CCDC110: variants seen among roughly 807,000 people sequenced by gnomAD.
CCDC110 encodes the protein coiled-coil domain-containing protein 110.
In CCDC110, 70 loss-of-function variants were observed where a neutral mutation model predicts 77.1. The observed-to-expected ratio is 0.91, with a 90% CI of 0.75 to 1.11. The LOEUF (loss-of-function observed/expected upper bound fraction) is 1.11, where lower values mean the gene tolerates loss of function less well. CCDC110 is among the 50% of genes least tolerant of loss of function. CCDC110 has a pLI of 0.00. For synonymous variants in CCDC110, 295 were observed against 312.5 expected (o/e 0.94, Z 0.59); for missense variants, 868 against 942.9 (o/e 0.92, Z 1.04).
chr4:185,466,555 G>A (rs1368363937), intron 2 of CCDC110, among the ~76,000 whole-genome samples: 1 of 144,050 alleles, frequency 6.9e-6, no homozygotes, highest in Non-Finnish European at 1.5e-5. Flanking sequence ...TGGAAGAGAT[G>A]TGAAAGTCAA....
chr4:185,471,638 G>T, intron 1 of CCDC110, 36 bp downstream of exon 1: 2 of 1,551,278 alleles, frequency 1.3e-6, no homozygotes, highest in Admixed American at 1.9e-5. Context: ...CCGTTCCCGC[G>T]GCTCCCCTAG....
chr4:185,469,033 C>T (rs1164536146), intron 2 of CCDC110, among the ~76,000 whole-genome samples: 1 of 152,198 alleles, frequency 6.6e-6, no homozygotes, highest in Admixed American at 6.5e-5. Flanking sequence ...TGGACACCCT[C>T]AAATTCAAAA....
chr4:185,451,525 A>G (rs569797793), intron 6 of CCDC110, among the ~76,000 whole-genome samples: 8 of 152,346 alleles, frequency 5.3e-5, no homozygotes, highest in African/African-American at 1.7e-4. Context: ...ACACTGTGCA[A>G]TTAATATTGT....
intron 6 of CCDC110, chr4:185,457,303 C>A: frequency 2.2e-6 from 1 of 456,242 alleles, no homozygotes; most frequent in Non-Finnish European, 4.4e-6. Flanking sequence ...CCTCTGGAGC[C>A]AGGGCAGGCA....
Position 185,458,951 on chromosome 4 carries a change from G to A in CCDC110, c.1636C>T (p.Leu546=). 1.2e-6 allele frequency: 2 copies of A among 1,607,374 alleles called. No individual in the cohort carries two copies. The highest frequency in any genetic ancestry group is 1.7e-6 in the Non-Finnish European group (2 of 1,178,182). ...TGAGTTTTGTGTTCCTTACTTTTTA[G>A]TTGATCTAATGCTTCCATCATTTGT... ...KQQMMEALDQ[L]KSKEHKTQSD... is the part of the protein sequence containing the mutation. Residue 546 remains leucine, a synonymous_variant, in exon 6 of 7, where the codon CTA becomes TTA. Coordinates refer to ENST00000307588, the MANE Select transcript of CCDC110 (RefSeq NM_152775.4).
At position 185,458,182 on chromosome 4, in the gene CCDC110, T is replaced by C. The variant is rs780469362; in HGVS notation, c.2405A>G (p.Tyr802Cys). 2.0e-5 allele frequency: 32 copies of C among 1,604,288 alleles called. No individual in the cohort carries two copies. Among genetic ancestry groups the C allele is most frequent in the African/African-American group, 4.0e-5 (3 of 74,356 alleles). The change falls in exon 6 of 7, where the codon TAT becomes TGT. Residue 802 changes from tyrosine to cysteine, a missense_variant. Coordinates refer to ENST00000307588, the MANE Select transcript of CCDC110 (RefSeq NM_152775.4). ...SRREKFHFDN[Y>C]THEDTSSPQS... ...AGGACTAGAAGTATCTTCGTGAGTA[T>C]AGTTGTCAAAATGGAATTTCTCTCT...
chr4:185,450,594 A>G (rs952879501), intron 6 of CCDC110, among the ~76,000 whole-genome samples: 1 of 152,070 alleles, frequency 6.6e-6, no homozygotes, highest in Non-Finnish European at 1.5e-5. Context: ...TAACAATACA[A>G]AAATTATCTG....
rs185726695 is a variant in CCDC110 at position 185,450,686 on chromosome 4, G to T, written c.2462-5144C>A. On this transcript the variant is annotated intron_variant, in intron 6 of 6. Transcript: ENST00000307588. ...TTGAACCTGGAAGGCAGAGGTTGCA[G>T]TGAGCTGAGATCATGCCACTGCACT... Among the ~76,000 whole-genome samples, 18 of 151,130 alleles carry T rather than the reference G, an allele frequency of 1.2e-4. 1 individual carries two copies. The East Asian group carries it at 3.5e-3, about 30-fold the overall frequency.
rs145791684 is a variant in CCDC110, at chr4:185,466,142, T to G, written c.116-3093A>C. Among the ~76,000 whole-genome samples, 383 of 151,978 alleles carry G rather than the reference T, an allele frequency of 2.5e-3. 4 individuals are homozygous for G. Among genetic ancestry groups the G allele is most frequent in the East Asian group, 0.015 (75 of 5,124 alleles). ...TGTAATCCCAGCACTTTGGGAGGCC[T>G]AGGCGGGCAGATCACGAGGTCAGGA... is the stretch of plus-strand genomic sequence containing the variant. On this transcript the variant is annotated intron_variant, in intron 2 of 6. Transcript: ENST00000307588.
In CCDC110 at chr4:185,458,340, G is replaced by A. The variant is rs752180798; in HGVS notation, c.2247C>T (p.Tyr749=). Residue 749 remains tyrosine, a synonymous_variant, in exon 6 of 7, where the codon TAC becomes TAT. Coordinates refer to ENST00000307588, the MANE Select transcript of CCDC110 (RefSeq NM_152775.4). Reference sequence around the variant, plus strand: ...CCCTTTCATTTTCTATGCTTCTTACGTAATTTTCTAAAAGTATTTTGTCTT... The same window carrying A: ...CCCTTTCATTTTCTATGCTTCTTACATAATTTTCTAAAAGTATTTTGTCTT... ...LTEDKILLEN[Y]VRSIENERDT... 30 of 1,585,122 alleles carry A rather than the reference G, an allele frequency of 1.9e-5. No homozygotes were observed. The highest frequency in any genetic ancestry group is 2.4e-5 in the South Asian group (2 of 84,618).
intron 6 of CCDC110, among the ~76,000 whole-genome samples, chr4:185,447,464 T>G (rs372595862): frequency 1.0e-3 from 159 of 152,198 alleles, no homozygotes; most frequent in South Asian, 3.1e-3. Context: ...ACAGGCTTGA[T>G]CCACCACGCC....
At position 185,462,663 on chromosome 4, in the gene CCDC110, T is replaced by C; in HGVS notation, c.217A>G (p.Thr73Ala). The change falls in exon 4 of 7, where the codon ACT becomes GCT. Residue 73 changes from threonine (T) to alanine (A), a missense_variant. Transcript: ENST00000307588. Reference sequence around the variant, plus strand: ...CATACCATGCTGACATTCTGCAAAGTCTGCATTCGCAAAGCCTGAAATGAT... The same window carrying C: ...CATACCATGCTGACATTCTGCAAAGCCTGCATTCGCAAAGCCTGAAATGAT... ...LESFQALRMQTLQNVSMVQSE... is the reference protein window; with the variant it reads ...LESFQALRMQALQNVSMVQSE... The C allele has an allele frequency of 6.2e-7, 1 of 1,613,862 alleles. No homozygotes were observed.
chr4:185,465,681 GAT>G (rs1561168701), intron 2 of CCDC110, among the ~76,000 whole-genome samples: 1 of 152,230 alleles, frequency 6.6e-6, no homozygotes, highest in East Asian at 1.9e-4. Context: ...TCTGCTACAT[GAT>G]AATAGAGTAT....
chr4:185,461,211 A>G, intron 4 of CCDC110, 52 bp from the exon 5 acceptor site: 1 of 888,740 alleles, frequency 1.1e-6, no homozygotes, highest in East Asian at 2.5e-5. Context: ...AAACTTATGA[A>G]TGTACAGGAA....
Position 185,458,218 on chromosome 4 carries a change from T to C in CCDC110, c.2369A>G (p.Tyr790Cys), listed in dbSNP as rs749108639. 22 of 1,605,484 alleles carry C rather than the reference T, an allele frequency of 1.4e-5. No homozygotes were observed. The highest frequency in any genetic ancestry group is 1.7e-5 in the Non-Finnish European group (20 of 1,177,586). Reference sequence around the variant, plus strand: ...ATGGAATTTCTCTCTTCTTGAAATGTAAGTTGTTTTTGAAGGGTCATTATG... The same window carrying C: ...ATGGAATTTCTCTCTTCTTGAAATGCAAGTTGTTTTTGAAGGGTCATTATG... The part of the protein sequence containing the change: ...NQHNDPSKTT[Y>C]ISRREKFHFD... The change falls in exon 6 of 7, where the codon TAC becomes TGC. Residue 790 changes from tyrosine (Y) to cysteine (C), a missense_variant. Transcript: ENST00000307588.
chr4:185,446,721 CACA>C (rs10574646), intron 6 of CCDC110, among the ~76,000 whole-genome samples: 128,882 of 151,896 alleles, frequency 0.85, 55,596 homozygotes, highest in East Asian at 0.99. Context: ...ATCTATAGCC[CACA>C]ACATTTTTTG....
At chr4:185,454,231 C>T (rs2153319183) in intron 6 of CCDC110, among the ~76,000 whole-genome samples, 1 of 152,292 alleles carries the variant, frequency 6.6e-6, no homozygotes, top group South Asian at 2.1e-4. Context: ...ACGCACGTTA[C>T]TTTACAAGAA....
chr4:185,458,136 C>T lies in CCDC110; in HGVS notation c.2451G>A (p.Ser817=), dbSNP rs751089698. 14 of 1,548,210 alleles carry T rather than the reference C, an allele frequency of 9.0e-6. No homozygotes were observed. Among genetic ancestry groups the T allele is most frequent in the South Asian group, 8.9e-5 (7 of 78,254 alleles). Residue 817 remains serine, a synonymous_variant, in exon 6 of 7, where the codon TCG becomes TCA. Coordinates refer to ENST00000307588, the MANE Select transcript of CCDC110 (RefSeq NM_152775.4). ...CCAGGACTTGCGTACCTTTCAAATC[C>T]GAAGCCAAAGGCCTACTCTGAGGAC... The part of the protein sequence containing the change: ...TSSPQSRPLA[S]DLKGYFKVKD...
In CCDC110 at chr4:185,451,763, AAATT is replaced by A. The variant is rs374733831; in HGVS notation, c.2462-6225_2462-6222del. ...AGTTTTATATTTTCAGAGTTTATCA[AAATT>A]TATTTTAGATTTCAAAATCATAATT... On this transcript the variant is annotated intron_variant, in intron 6 of 6. Coordinates refer to ENST00000307588, the MANE Select transcript of CCDC110 (RefSeq NM_152775.4). 5.3e-3 allele frequency among the ~76,000 whole-genome samples: 800 copies of A among 152,316 alleles called. 8 individuals are homozygous for A. The highest frequency in any genetic ancestry group is 6.5e-3 in the Non-Finnish European group (439 of 68,030).
Sources: gnomAD v4.1 joint callset for allele counts (sites outside exome capture counted in the v4.1 genomes callset) on GRCh38, gnomAD v4.1.1 for gene constraint, MANE v1.5 for transcripts, NCBI Gene and HGNC (gene_info 2026-07-23, HGNC 2026-07-21) for gene names.